The following GLIS3 variants were observed in gnomAD, a reference collection of about 807,000 sequenced individuals.
The protein encoded by GLIS3 is GLIS family zinc finger 3.
In GLIS3, 53 loss-of-function variants were observed where a neutral mutation model predicts 78.6. The ratio of observed to expected loss-of-function variants is 0.67; its 90% confidence interval spans 0.54 to 0.85. GLIS3 has a LOEUF of 0.85. Ranked by LOEUF, GLIS3 falls within the 40% of genes least tolerant of loss-of-function variation. GLIS3 has a pLI of 0.00. For synonymous variants in GLIS3, 684 were observed against 509.9 expected (o/e 1.34, Z -4.60); for missense variants, 1,703 against 1,231.1 (o/e 1.38, Z -5.74).
intron 6 of GLIS3, among the ~76,000 whole-genome samples, chr9:3,914,485 A>T (rs1236369280): frequency 4.6e-5 from 7 of 152,124 alleles, no homozygotes; most frequent in African/African-American, 1.7e-4. Context: ...TTTCTTTATA[A>T]TATTCAACCC....
intron 2 of GLIS3, among the ~76,000 whole-genome samples, chr9:4,264,660 C>G (rs187788856): frequency 6.6e-6 from 1 of 152,140 alleles, no homozygotes; most frequent in African/African-American, 2.4e-5. Flanking sequence ...ATCAGAGAAG[C>G]CTTCCCTAAA....
At chr9:4,059,414 C>T (rs1826434015) in intron 4 of GLIS3, among the ~76,000 whole-genome samples, 1 of 152,202 alleles carries the variant, frequency 6.6e-6, no homozygotes, top group African/African-American at 2.4e-5. Flanking sequence ...CAGAAAACTG[C>T]CAGAGTGCCA....
intron 5 of GLIS3, among the ~76,000 whole-genome samples, chr9:3,936,645 G>A (rs748898791): frequency 6.6e-6 from 1 of 151,972 alleles, no homozygotes; most frequent in Non-Finnish European, 1.5e-5. Context: ...AACAAAAACT[G>A]CTTCATATTC....
chr9:3,840,001 G>C (rs1464324187), intron 9 of GLIS3, among the ~76,000 whole-genome samples: 1 of 152,084 alleles, frequency 6.6e-6, no homozygotes, highest in Non-Finnish European at 1.5e-5. Flanking sequence ...TAACGACTTG[G>C]ATTTGTGTCT....
intron 2 of GLIS3, among the ~76,000 whole-genome samples, chr9:4,235,664 A>C (rs1822665303): frequency 6.6e-6 from 1 of 152,174 alleles, no homozygotes; most frequent in Non-Finnish European, 1.5e-5. Context: ...GTATAAATGC[A>C]AGTGTCAGTG....
At chr9:4,473,251 G>T in the GLIS3 span, among the ~76,000 whole-genome samples, 2 of 152,022 alleles carry the variant, frequency 1.3e-5, no homozygotes, top group Non-Finnish European at 2.9e-5. Context: ...AATGAGATCA[G>T]CCTGACCATC....
the GLIS3 span, among the ~76,000 whole-genome samples, chr9:4,446,461 T>C: frequency 6.6e-6 from 1 of 152,178 alleles, no homozygotes; most frequent in East Asian, 1.9e-4. Context: ...AGGTAGTTTG[T>C]TGTAGCTGTC....
chr9:4,351,023 A>G (rs919433228), upstream of GLIS3, among the ~76,000 whole-genome samples: 5 of 152,098 alleles, frequency 3.3e-5, no homozygotes, highest in African/African-American at 1.2e-4. Context: ...CTATCTATAT[A>G]CAAGGCCTTG....
chr9:4,309,797 CA>C (rs1425869631), intron 3 of GLIS3, among the ~76,000 whole-genome samples: 2 of 152,014 alleles, frequency 1.3e-5, no homozygotes, highest in African/African-American at 4.8e-5. Flanking sequence ...TTGCAACAAG[CA>C]ACTCAGCTTA....
chr9:4,241,686 GTTTTTT>G (rs35581337), intron 2 of GLIS3, among the ~76,000 whole-genome samples: 2 of 151,626 alleles, frequency 1.3e-5, no homozygotes, highest in Non-Finnish European at 2.9e-5. Context: ...TTTTTGTTTT[GTTTTTT>G]TTGAGATACA....
chr9:3,862,585 C>T (rs1209807519), intron 8 of GLIS3, among the ~76,000 whole-genome samples: 1 of 152,130 alleles, frequency 6.6e-6, no homozygotes, highest in African/African-American at 2.4e-5. Context: ...ATAAATATTT[C>T]TTACTTTTCT....
At chr9:4,085,645 G>T (rs181452015) in intron 4 of GLIS3, among the ~76,000 whole-genome samples, 2 of 152,292 alleles carry the variant, frequency 1.3e-5, no homozygotes, top group South Asian at 2.1e-4. Context: ...GGTGGGGCCT[G>T]GTGGGAGGTG....
the GLIS3 span, among the ~76,000 whole-genome samples, chr9:4,425,949 C>T: frequency 4.6e-5 from 7 of 152,310 alleles, no homozygotes; most frequent in Admixed American, 1.3e-4. Context: ...TGACTCTGTG[C>T]TCAGAACAGT....
At chr9:3,987,529 C>T (rs1172813663) in intron 4 of GLIS3, among the ~76,000 whole-genome samples, 1 of 151,496 alleles carries the variant, frequency 6.6e-6, no homozygotes. Context: ...TGGTGAAACC[C>T]TGTCTCTACT....
chr9:4,160,126 A>G (rs185488507), intron 2 of GLIS3, among the ~76,000 whole-genome samples: 4 of 152,316 alleles, frequency 2.6e-5, no homozygotes, highest in South Asian at 4.1e-4. Context: ...TCCACTCCAC[A>G]AAATATTTTC....
At chr9:4,228,198 C>G (rs931164087) in intron 2 of GLIS3, among the ~76,000 whole-genome samples, 1 of 107,052 alleles carries the variant, frequency 9.3e-6, no homozygotes, top group Non-Finnish European at 1.9e-5. Flanking sequence ...TCTAAGGTGG[C>G]AAAAAAAAAA....
intron 4 of GLIS3, among the ~76,000 whole-genome samples, chr9:4,039,320 C>T (rs1024964758): frequency 2.6e-5 from 4 of 152,094 alleles, no homozygotes. Context: ...CCCAGCTGTC[C>T]AATGCAGTAT....
chr9:4,097,359 A>C (rs1830037175), intron 4 of GLIS3, among the ~76,000 whole-genome samples: 1 of 152,018 alleles, frequency 6.6e-6, no homozygotes, highest in African/African-American at 2.4e-5. Context: ...TAGAAGAAGG[A>C]ACAGGGAAAC....
intron 2 of GLIS3, among the ~76,000 whole-genome samples, chr9:4,252,865 GC>G (rs952624267): frequency 6.6e-6 from 1 of 152,122 alleles, no homozygotes; most frequent in Non-Finnish European, 1.5e-5. Context: ...TAACAGTCAG[GC>G]CCCTCTGCTG....
Sources: allele counts gnomAD v4.1 joint callset (sites outside exome capture counted in the v4.1 genomes callset), GRCh38; gene constraint gnomAD v4.1.1; transcripts MANE v1.5; gene names NCBI Gene and HGNC (gene_info 2026-07-23, HGNC 2026-07-21).